Variants in DIAPH2 observed in about 807,000 individuals in gnomAD.
DIAPH2 encodes the protein diaphanous related formin 2.
Under a neutral mutation model 92.7 loss-of-function variants are expected in DIAPH2, and 35 were observed. The ratio of observed to expected loss-of-function variants is 0.38; its 90% CI spans 0.29 to 0.50. The LOEUF is 0.50. DIAPH2 is among the 20% of genes least tolerant of loss of function. DIAPH2 has a pLI of 0.94. For missense variants in DIAPH2, 701 were observed against 819.5 expected, an observed-to-expected ratio of 0.86 and a Z score of 1.77; for synonymous variants, 301 against 280.4, an observed-to-expected ratio of 1.07 and a Z score of -0.73.
At chrX:96,878,329 T>C (rs1271991208) in intron 4 of DIAPH2, among the ~76,000 whole-genome samples, 1 of 111,669 alleles carries the variant, frequency 9.0e-6, no homozygotes, top group Admixed American at 9.6e-5. Flanking sequence ...GACCAGAATA[T>C]TTGTTTTAGT....
At chrX:97,082,421 AC>A (rs1232615308) in intron 19 of DIAPH2, among the ~76,000 whole-genome samples, 3 of 106,653 alleles carry the variant, frequency 2.8e-5, no homozygotes, top group Non-Finnish European at 5.8e-5. Context: ...GGAGTTTGAA[AC>A]CAGCCTGACC....
chrX:96,700,256 G>A (rs1013821217), intron 1 of DIAPH2, among the ~76,000 whole-genome samples: 3 of 112,008 alleles, frequency 2.7e-5, no homozygotes, highest in South Asian at 3.7e-4. Flanking sequence ...CGATCCACCC[G>A]TCTCAGCCTC....
intron 22 of DIAPH2, among the ~76,000 whole-genome samples, chrX:97,226,408 C>A (rs748400237): frequency 7.2e-5 from 8 of 110,662 alleles, no homozygotes; most frequent in Non-Finnish European, 7.6e-5. Context: ...GGAGTCTCAC[C>A]TTGTTGCCCA....
rs892883187 is a variant in DIAPH2, at chrX:96,991,225, C to T, written c.2050+26018C>T. Among the ~76,000 whole-genome samples the T allele has an allele frequency of 7.3e-5, 8 of 110,278 alleles. No homozygotes were observed. The East Asian group carries it at 2.0e-3, about 28-fold the overall frequency. Reference sequence around the variant, plus strand: ...TGCCTCCCAGGTTCAAGTGATTCTCCTGCCTCAGCCTCCCAAGTAGCTGGG... The same window carrying T: ...TGCCTCCCAGGTTCAAGTGATTCTCTTGCCTCAGCCTCCCAAGTAGCTGGG... On this transcript the variant is annotated intron_variant, in intron 17 of 26. Coordinates refer to ENST00000324765, the MANE Select transcript of DIAPH2 (RefSeq NM_006729.5).
At chrX:97,264,037 C>A in intron 23 of DIAPH2, among the ~76,000 whole-genome samples, 1 of 108,401 alleles carries the variant, frequency 9.2e-6, no homozygotes. Context: ...TCATCCCACC[C>A]CACCCTCCTG....
chrX:97,402,829 A>G (rs1187662921), intron 25 of DIAPH2, among the ~76,000 whole-genome samples: 1 of 112,274 alleles, frequency 8.9e-6, no homozygotes, highest in Non-Finnish European at 1.9e-5. Flanking sequence ...TTAAGAAATT[A>G]TCAGGAATAG....
At chrX:97,409,640 T>C (rs1362550874) in intron 25 of DIAPH2, among the ~76,000 whole-genome samples, 1 of 111,836 alleles carries the variant, frequency 8.9e-6, no homozygotes, top group Non-Finnish European at 1.9e-5. Flanking sequence ...TGACAGACTG[T>C]ACCTGGAAAA....
At chrX:96,995,358 G>A (rs967917672) in intron 17 of DIAPH2, among the ~76,000 whole-genome samples, 8 of 111,579 alleles carry the variant, frequency 7.2e-5, no homozygotes, top group Non-Finnish European at 1.1e-4. Flanking sequence ...GGAATGTAAC[G>A]TTTGTTAAGA....
At chrX:97,160,642 G>C (rs1039915197) in intron 22 of DIAPH2, among the ~76,000 whole-genome samples, 27 of 111,562 alleles carry the variant, frequency 2.4e-4, no homozygotes, top group African/African-American at 8.8e-4. Context: ...ATTTATCTTA[G>C]TTAATCTTAG....
chrX:96,973,176 C>A (rs1037125360), intron 17 of DIAPH2, among the ~76,000 whole-genome samples: 3 of 111,471 alleles, frequency 2.7e-5, no homozygotes, highest in Non-Finnish European at 5.6e-5. Flanking sequence ...TTCAACCAGC[C>A]ATGGACAGAA....
chrX:97,494,117 A>T (rs866368799), intron 26 of DIAPH2, among the ~76,000 whole-genome samples: 6 of 38,220 alleles, frequency 1.6e-4, no homozygotes, highest in Non-Finnish European at 3.0e-4. Context: ...ATTTATATAT[A>T]TGTATATATT....
intron 21 of DIAPH2, among the ~76,000 whole-genome samples, chrX:97,140,768 C>T (rs2067203864): frequency 9.0e-6 from 1 of 111,613 alleles, no homozygotes; most frequent in Non-Finnish European, 1.9e-5. Flanking sequence ...TTTTCATAAA[C>T]CTGTTTGTGA....
chrX:96,879,194 T>C (rs773548872), intron 4 of DIAPH2, among the ~76,000 whole-genome samples: 1 of 111,219 alleles, frequency 9.0e-6, no homozygotes, highest in African/African-American at 3.3e-5. Context: ...GTAAATGATA[T>C]TTAAAATGGT....
intron 3 of DIAPH2, among the ~76,000 whole-genome samples, chrX:96,755,807 C>T (rs770772496): frequency 7.0e-4 from 77 of 109,756 alleles, no homozygotes; most frequent in African/African-American, 2.5e-3. Flanking sequence ...ATATGATTCA[C>T]ATACCATAAA....
intron 26 of DIAPH2, among the ~76,000 whole-genome samples, chrX:97,465,180 G>A (rs970955018): frequency 2.7e-5 from 3 of 110,664 alleles, no homozygotes; most frequent in African/African-American, 9.9e-5. Flanking sequence ...GCACTTCACT[G>A]TATACCAGGG....
At position 96,698,584 on chromosome X, in the gene DIAPH2, C is replaced by T. The variant is rs781561651; in HGVS notation, c.132+13394C>T. ...TGCATAATGTAGTTTGAGTTCTAGT[C>T]CCCTTAGTTTGATCCATCATCCTTC... On this transcript the variant is annotated intron_variant, in intron 1 of 26. Coordinates refer to ENST00000324765, the MANE Select transcript of DIAPH2 (RefSeq NM_006729.5). 1.7e-3 allele frequency among the ~76,000 whole-genome samples: 188 copies of T among 110,892 alleles called. 1 individual carries two copies. Among genetic ancestry groups the T allele is most frequent in the African/African-American group, 5.9e-3 (179 of 30,466 alleles).
chrX:96,686,665 C>G (rs747462927), intron 1 of DIAPH2, among the ~76,000 whole-genome samples: 128 of 111,342 alleles, frequency 1.1e-3, no homozygotes, highest in African/African-American at 4.0e-3. Context: ...TCTTTTTTTG[C>G]TCAAACATAA....
At chrX:97,144,766 TTC>T (rs963266030) in intron 22 of DIAPH2, among the ~76,000 whole-genome samples, 2 of 110,265 alleles carry the variant, frequency 1.8e-5, no homozygotes, top group African/African-American at 6.6e-5. Flanking sequence ...CTTTCTTTCT[TTC>T]TTTCTTTCTT....
At chrX:97,441,641 C>A (rs2070259474) in intron 26 of DIAPH2, among the ~76,000 whole-genome samples, 1 of 110,722 alleles carries the variant, frequency 9.0e-6, no homozygotes, top group South Asian at 3.8e-4. Context: ...TATGGTGAAA[C>A]CCTGTCTCTA....
Sources: allele counts gnomAD v4.1 joint callset (sites outside exome capture counted in the v4.1 genomes callset), GRCh38; gene constraint gnomAD v4.1.1; transcripts MANE v1.5; gene names NCBI Gene and HGNC (gene_info 2026-07-23, HGNC 2026-07-21).